Variants in TRPC7 observed in about 807,000 individuals in gnomAD.
TRPC7 encodes transient receptor potential cation channel subfamily C member 7.
Under a neutral mutation model 90.1 loss-of-function variants are expected in TRPC7, and 42 were observed. The ratio of observed to expected loss-of-function variants is 0.47; its 90% CI spans 0.36 to 0.60. The LOEUF is 0.60. Ranked by LOEUF, TRPC7 falls within the 20% of genes least tolerant of loss-of-function variation. The probability of loss-of-function intolerance (pLI) is 0.00; values close to 1 mark genes in which losing one functional copy is unlikely to be tolerated. For missense variants in TRPC7, 955 were observed against 1,112.3 expected, an observed-to-expected ratio of 0.86 and a Z score of 2.01; for synonymous variants, 451 against 436.3, an observed-to-expected ratio of 1.03 and a Z score of -0.42.
At chr5:136,303,522 C>A (rs536019965) in intron 3 of TRPC7, among the ~76,000 whole-genome samples, 82 of 152,258 alleles carry the variant, frequency 5.4e-4, no homozygotes, top group Non-Finnish European at 1.0e-3. Flanking sequence ...ACAAAAAATT[C>A]CAAATGCCTG....
chr5:136,334,915 C>CA (rs1257957449), intron 2 of TRPC7, among the ~76,000 whole-genome samples: 4 of 152,274 alleles, frequency 2.6e-5, no homozygotes, highest in Non-Finnish European at 5.9e-5. Flanking sequence ...GCTGACTGTT[C>CA]AAGGCCCCTT....
At chr5:136,364,685 T>C (rs1760668914) in intron 1 of TRPC7, among the ~76,000 whole-genome samples, 1 of 152,216 alleles carries the variant, frequency 6.6e-6, no homozygotes, top group South Asian at 2.1e-4. Context: ...TTATGAGAGT[T>C]TCAAAGCTCT....
At chr5:136,305,088 C>G (rs1418965655) in intron 3 of TRPC7, among the ~76,000 whole-genome samples, 1 of 152,180 alleles carries the variant, frequency 6.6e-6, no homozygotes, top group Admixed American at 6.5e-5. Context: ...ACTTTCTGCT[C>G]CCCGGCTCCT....
At chr5:136,220,550 GTT>G (rs1198300834) in intron 10 of TRPC7, among the ~76,000 whole-genome samples, 1 of 152,188 alleles carries the variant, frequency 6.6e-6, no homozygotes, top group African/African-American at 2.4e-5. Context: ...GGTCAGACCA[GTT>G]TTTTGCTCTC....
chr5:136,345,925 C>T (rs921669896), intron 2 of TRPC7, among the ~76,000 whole-genome samples: 1 of 152,126 alleles, frequency 6.6e-6, no homozygotes, highest in Non-Finnish European at 1.5e-5. Context: ...TATGGCTAGC[C>T]AGTTTTCCCA....
At chr5:136,278,286 T>A (rs1218147274) in intron 3 of TRPC7, among the ~76,000 whole-genome samples, 1 of 152,358 alleles carries the variant, frequency 6.6e-6, no homozygotes, top group Non-Finnish European at 1.5e-5. Flanking sequence ...TTTAGCGTGG[T>A]GTTCACGAAT....
rs572977196 is a variant in TRPC7, at chr5:136,354,406, A to G, written c.780+2202T>C. ...AGTGGTTGGGTCTCAGATGGGGGACAGATGACATAAAGTAAACTTTTTAAA... is the reference window on the plus strand; with the variant it reads ...AGTGGTTGGGTCTCAGATGGGGGACGGATGACATAAAGTAAACTTTTTAAA... On this transcript the variant is annotated intron_variant, in intron 2 of 11. Coordinates refer to ENST00000513104, the MANE Select transcript of TRPC7 (RefSeq NM_020389.3). Among the ~76,000 whole-genome samples the G allele has an allele frequency of 2.6e-5, 4 of 152,334 alleles. No individual in the cohort carries two copies. The East Asian group carries it at 7.7e-4, about 29-fold the overall frequency.
At chr5:136,274,870 G>A (rs371266438) in intron 3 of TRPC7, 33 bp from the exon 4 acceptor site, 33 of 1,545,618 alleles carry the variant, frequency 2.1e-5, no homozygotes, top group African/African-American at 4.1e-5. Flanking sequence ...AAAACAAAAC[G>A]CAAACAGGAA....
intron 3 of TRPC7, among the ~76,000 whole-genome samples, chr5:136,305,911 G>T (rs1758607373): frequency 6.6e-6 from 1 of 152,178 alleles, no homozygotes; most frequent in Non-Finnish European, 1.5e-5. Flanking sequence ...TCCCTTCTCA[G>T]AAGTCAGACC....
At chr5:136,251,562 C>G (rs75543937) in intron 6 of TRPC7, 87 bp downstream of exon 6, 1 of 1,064,218 alleles carries the variant, frequency 9.4e-7, no homozygotes, top group Non-Finnish European at 1.4e-6. Flanking sequence ...TTACAAATAG[C>G]GTTACAAGTT....
chr5:136,257,928 G>A (rs1444144685), intron 5 of TRPC7, among the ~76,000 whole-genome samples: 20 of 152,116 alleles, frequency 1.3e-4, no homozygotes, highest in African/African-American at 4.8e-4. Context: ...AGAGTGATTG[G>A]CTTTAATTCA....
intron 1 of TRPC7, among the ~76,000 whole-genome samples, chr5:136,362,943 G>T (rs751123552): frequency 6.6e-6 from 1 of 152,088 alleles, no homozygotes; most frequent in African/African-American, 2.4e-5. Context: ...TTGAATCTGG[G>T]TTGATCATTT....
chr5:136,287,215 C>T (rs1005810729), intron 3 of TRPC7, among the ~76,000 whole-genome samples: 1 of 152,060 alleles, frequency 6.6e-6, no homozygotes, highest in African/African-American at 2.4e-5. Flanking sequence ...TTTTCCCTTC[C>T]ACCTCTTTAG....
At chr5:136,239,416 C>A (rs1223986459) in intron 7 of TRPC7, among the ~76,000 whole-genome samples, 1 of 152,222 alleles carries the variant, frequency 6.6e-6, no homozygotes, top group Admixed American at 6.5e-5. Context: ...GACCCAGGAT[C>A]CTGGGAAAAA....
intron 5 of TRPC7, among the ~76,000 whole-genome samples, chr5:136,253,100 C>T (rs571202461): frequency 1.3e-5 from 2 of 152,176 alleles, no homozygotes; most frequent in Non-Finnish European, 2.9e-5. Context: ...TAAAGTATCT[C>T]ATTAATAATT....
intron 2 of TRPC7, among the ~76,000 whole-genome samples, chr5:136,347,141 G>A (rs1760034426): frequency 6.6e-6 from 1 of 152,234 alleles, no homozygotes; most frequent in South Asian, 2.1e-4. Context: ...AGGAGGGCAT[G>A]ACCCTGCTAA....
At chr5:136,269,626 A>C (rs982672459) in intron 4 of TRPC7, among the ~76,000 whole-genome samples, 1 of 152,226 alleles carries the variant, frequency 6.6e-6, no homozygotes, top group African/African-American at 2.4e-5. Flanking sequence ...GGTCTTAAGC[A>C]AGGGCCTGGT....
chr5:136,335,365 C>T (rs771763576), intron 2 of TRPC7, among the ~76,000 whole-genome samples: 1 of 151,962 alleles, frequency 6.6e-6, no homozygotes, highest in Non-Finnish European at 1.5e-5. Flanking sequence ...AAATGGAGTT[C>T]CCTCCACTTA....
chr5:136,225,273 C>T lies in TRPC7; in HGVS notation c.2343+1G>A. ...TGGATGCTTGGGAAAGGGGTGGTTA[C>T]CTGGTATCTGGTGGGCTTGCTCAAA... On this transcript the variant is annotated splice_donor_variant, in intron 10 of 11. Coordinates refer to ENST00000513104, the MANE Select transcript of TRPC7 (RefSeq NM_020389.3). LOFTEE classifies it high-confidence loss of function. 1 of 1,612,606 alleles carries T rather than the reference C, an allele frequency of 6.2e-7. No individual in the cohort carries two copies. Among genetic ancestry groups the T allele is most frequent in the Non-Finnish European group, 8.5e-7 (1 of 1,179,464 alleles).
Sources: gnomAD v4.1 joint callset for allele counts (sites outside exome capture counted in the v4.1 genomes callset) on GRCh38, gnomAD v4.1.1 for gene constraint, MANE v1.5 for transcripts, NCBI Gene and HGNC (gene_info 2026-07-23, HGNC 2026-07-21) for gene names.